CCNY: variants seen among roughly 807,000 people sequenced by gnomAD.
The protein encoded by CCNY is cyclin Y.
A neutral mutation model predicts 42.8 loss-of-function variants in CCNY; 19 were observed. The ratio of observed to expected loss-of-function variants is 0.44; its 90% CI spans 0.31 to 0.65. CCNY has a LOEUF of 0.65. Among genes scored for constraint, CCNY ranks in the 30% least tolerant of loss-of-function variants. The probability of loss-of-function intolerance (pLI) is 0.07; values close to 1 mark genes in which losing one functional copy is unlikely to be tolerated. For missense variants in CCNY, 370 were observed against 437.3 expected, an observed-to-expected ratio of 0.85 and a Z score of 1.37; for synonymous variants, 165 against 162.7, an observed-to-expected ratio of 1.01 and a Z score of -0.11.
intron 2 of CCNY, among the ~76,000 whole-genome samples, chr10:35,491,013 C>T (rs1839884212): frequency 1.3e-5 from 2 of 152,210 alleles, no homozygotes; most frequent in Non-Finnish European, 1.5e-5. Flanking sequence ...ACTACTACCT[C>T]ACCTGTCTTT....
At chr10:35,360,662 A>G (rs1270056414) in intron 1 of CCNY, among the ~76,000 whole-genome samples, 4 of 152,108 alleles carry the variant, frequency 2.6e-5, no homozygotes, top group Admixed American at 2.0e-4. Flanking sequence ...AGAAAAAATT[A>G]CCTGTAATCC....
At chr10:35,269,894 C>G (rs1315568707) in intron 3 of CCNY, among the ~76,000 whole-genome samples, 1 of 152,118 alleles carries the variant, frequency 6.6e-6, no homozygotes, top group Non-Finnish European at 1.5e-5. Flanking sequence ...TCCCAAAGTG[C>G]TGGGGTTACG....
chr10:35,288,046 C>T (rs1296456765), intron 3 of CCNY, among the ~76,000 whole-genome samples: 1 of 152,068 alleles, frequency 6.6e-6, no homozygotes, highest in Non-Finnish European at 1.5e-5. Context: ...AACTGTTTTC[C>T]AAAATGGATG....
intron 1 of CCNY, among the ~76,000 whole-genome samples, chr10:35,450,055 G>A (rs181539016): frequency 6.2e-4 from 95 of 152,278 alleles, no homozygotes; most frequent in Non-Finnish European, 8.7e-4. Context: ...GCAGAGGAAC[G>A]TGGTGGCACG....
intron 2 of CCNY, among the ~76,000 whole-genome samples, chr10:35,492,115 T>G (rs1402173683): frequency 6.6e-6 from 1 of 152,118 alleles, no homozygotes; most frequent in Admixed American, 6.6e-5. Context: ...CATCATGTCC[T>G]CTCTCAAACC....
At chr10:35,352,642 C>T (rs1301639092) in intron 1 of CCNY, among the ~76,000 whole-genome samples, 1 of 152,186 alleles carries the variant, frequency 6.6e-6, no homozygotes, top group African/African-American at 2.4e-5. Context: ...CAAAGGTCAA[C>T]GTTATTTGGA....
intron 4 of CCNY, 92 bp from the exon 5 acceptor site, chr10:35,525,872 G>A: frequency 9.0e-7 from 1 of 1,114,900 alleles, no homozygotes; most frequent in Non-Finnish European, 1.3e-6. Context: ...TTTTACTTCT[G>A]TTTAAATATT....
chr10:35,263,858 T>A (rs2095722226), intron 3 of CCNY, among the ~76,000 whole-genome samples: 1 of 152,162 alleles, frequency 6.6e-6, no homozygotes, highest in Non-Finnish European at 1.5e-5. Flanking sequence ...CAGGCCCTAG[T>A]GTGTGTTGTT....
At chr10:35,251,700 C>T (rs1461804600) in intron 3 of CCNY, among the ~76,000 whole-genome samples, 1 of 151,906 alleles carries the variant, frequency 6.6e-6, no homozygotes, top group Non-Finnish European at 1.5e-5. Context: ...GAGATCCTCC[C>T]ACCTCAACCT....
chr10:35,428,975 A>C (rs1838327787), intron 1 of CCNY, among the ~76,000 whole-genome samples: 1 of 152,206 alleles, frequency 6.6e-6, no homozygotes, highest in Non-Finnish European at 1.5e-5. Context: ...TTGAGGAACA[A>C]GCACATTATA....
intron 2 of CCNY, among the ~76,000 whole-genome samples, chr10:35,483,691 G>T (rs1839722950): frequency 6.6e-6 from 1 of 152,046 alleles, no homozygotes; most frequent in African/African-American, 2.4e-5. Flanking sequence ...TCCTCATTTT[G>T]TCAATCAGCT....
chr10:35,539,790 A>G (rs559634600), intron 7 of CCNY, among the ~76,000 whole-genome samples: 1 of 152,352 alleles, frequency 6.6e-6, no homozygotes, highest in East Asian at 1.9e-4. Flanking sequence ...TGTCTCAAAT[A>G]AAAAAGAAAA....
At chr10:35,257,966 ACT>A (rs1311953266) in intron 3 of CCNY, among the ~76,000 whole-genome samples, 1 of 151,798 alleles carries the variant, frequency 6.6e-6, no homozygotes, top group Non-Finnish European at 1.5e-5. Context: ...AATAATTTCC[ACT>A]GTCTTTTCTT....
intron 3 of CCNY, among the ~76,000 whole-genome samples, chr10:35,282,207 A>C (rs761692891): frequency 1.3e-5 from 2 of 150,256 alleles, no homozygotes; most frequent in Admixed American, 6.7e-5. Context: ...CTGCAGCCTC[A>C]AACTGCTGGC....
rs1836225003 is a variant in CCNY at position 35,343,268 on chromosome 10, C to G, written c.154+6061C>G. On this transcript the variant is annotated intron_variant, in intron 1 of 9. Transcript: ENST00000374704. The stretch of plus-strand genomic sequence containing the variant: ...CCTCCCAAAATGCTGGGATTACAGG[C>G]ATGAGCCACTGCGCCCAGTCTCCTG... 4.0e-5 allele frequency among the ~76,000 whole-genome samples: 6 copies of G among 151,216 alleles called. No individual in the cohort carries two copies. The South Asian group carries it at 1.3e-3, about 32-fold the overall frequency.
intron 1 of CCNY, among the ~76,000 whole-genome samples, chr10:35,435,956 G>T (rs2135287056): frequency 6.6e-6 from 1 of 152,278 alleles, no homozygotes; most frequent in South Asian, 2.1e-4. Flanking sequence ...GTTAATTCTG[G>T]GTGGGAGGTG....
intron 3 of CCNY, among the ~76,000 whole-genome samples, chr10:35,505,044 T>G (rs1840186627): frequency 6.6e-6 from 1 of 152,156 alleles, no homozygotes; most frequent in Non-Finnish European, 1.5e-5. Flanking sequence ...TTGCTTTTTT[T>G]TTTTTAAGGT....
intron 8 of CCNY, among the ~76,000 whole-genome samples, chr10:35,559,961 T>C (rs1841433581): frequency 6.6e-6 from 1 of 152,214 alleles, no homozygotes; most frequent in Non-Finnish European, 1.5e-5. Context: ...TCGGGCTTGC[T>C]GGACACTGTG....
At chr10:35,426,061 T>C (rs1470501936) in intron 1 of CCNY, among the ~76,000 whole-genome samples, 1 of 151,200 alleles carries the variant, frequency 6.6e-6, no homozygotes, top group Non-Finnish European at 1.5e-5. Context: ...TCTGGGTTCC[T>C]GTCCAAATTA....
Sources: gnomAD v4.1 joint callset for allele counts (sites outside exome capture counted in the v4.1 genomes callset) on GRCh38, gnomAD v4.1.1 for gene constraint, MANE v1.5 for transcripts, NCBI Gene and HGNC (gene_info 2026-07-23, HGNC 2026-07-21) for gene names.